Variants in NRG1 observed in about 807,000 individuals in gnomAD.
NRG1 encodes neuregulin 1.
In NRG1, 18 loss-of-function variants were observed where a neutral mutation model predicts 63.8. The observed-to-expected ratio is 0.28, with a 90% CI of 0.19 to 0.42. The LOEUF is 0.42. Ranked by LOEUF, NRG1 falls within the 10% of genes least tolerant of loss-of-function variation. The pLI, the probability that NRG1 is intolerant of heterozygous loss-of-function variation, is 1.00. For synonymous variants in NRG1, 302 were observed against 301.3 expected (o/e 1.00, Z -0.02); for missense variants, 762 against 814.7 (o/e 0.94, Z 0.79).
intron 1 of NRG1, among the ~76,000 whole-genome samples, chr8:32,435,632 C>T (rs1012821258): frequency 1.8e-4 from 28 of 152,112 alleles, no homozygotes; most frequent in South Asian, 4.1e-4. Flanking sequence ...AATCCACAAA[C>T]GTCAGTGTTT....
chr8:32,752,804 C>T lies in NRG1; in HGVS notation c.692-1568C>T, dbSNP rs1481359350. On this transcript the variant is annotated intron_variant, in intron 7 of 11. Transcript: ENST00000356819. ...GTATACTCTATGCAGCATTCTAGTC[C>T]TTTACCCACTGACTTCTCTTTTCCT... 2.6e-5 allele frequency among the ~76,000 whole-genome samples: 4 copies of T among 151,956 alleles called. No homozygotes were observed. In the South Asian group the frequency reaches 6.2e-4, roughly 24 times the overall value.
At chr8:32,115,978 C>T (rs1179963454) in intron 1 of NRG1, among the ~76,000 whole-genome samples, 1 of 152,138 alleles carries the variant, frequency 6.6e-6, no homozygotes, top group African/African-American at 2.4e-5. Flanking sequence ...CTCCTCTTTT[C>T]ATCTGTAATA....
chr8:32,219,197 G>A (rs1442361894), intron 1 of NRG1, among the ~76,000 whole-genome samples: 1 of 152,094 alleles, frequency 6.6e-6, no homozygotes, highest in Non-Finnish European at 1.5e-5. Flanking sequence ...TGCTATAGTT[G>A]GCAACATGAT....
chr8:31,819,101 A>G (rs1044446494), intron 1 of NRG1, among the ~76,000 whole-genome samples: 32 of 152,050 alleles, frequency 2.1e-4, no homozygotes, highest in African/African-American at 7.2e-4. Flanking sequence ...AGCCGGACAC[A>G]GTTGCATAGA....
chr8:31,656,469 A>G (rs915197369), intron 1 of NRG1, among the ~76,000 whole-genome samples: 6 of 152,180 alleles, frequency 3.9e-5, no homozygotes, highest in African/African-American at 1.4e-4. Context: ...CTGAAGTACT[A>G]TTTGCCAACT....
rs117082309 is a variant in NRG1, at chr8:31,738,627, G to A, written c.37+99196G>A. On this transcript the variant is annotated intron_variant, in intron 1 of 10. Coordinates refer to the NRG1 transcript ENST00000519301. ...GTTGGTGCAAAGAAACACAAACTGGGTGGCTTAAAAACAACAGAAACCAAA... is the reference window on the plus strand; with the variant it reads ...GTTGGTGCAAAGAAACACAAACTGGATGGCTTAAAAACAACAGAAACCAAA... Among the ~76,000 whole-genome samples the A allele has an allele frequency of 5.3e-3, 807 of 152,140 alleles. 34 individuals carry two copies. The East Asian group carries it at 0.083, about 16-fold the overall frequency.
intron 1 of NRG1, among the ~76,000 whole-genome samples, chr8:31,669,085 C>T (rs972378590): frequency 4.6e-5 from 7 of 152,188 alleles, no homozygotes; most frequent in East Asian, 3.9e-4. Context: ...GACAAGGTCT[C>T]GCTCTGTCAC....
At chr8:32,442,920 T>A (rs1819733093) in intron 1 of NRG1, among the ~76,000 whole-genome samples, 1 of 150,024 alleles carries the variant, frequency 6.7e-6, no homozygotes, top group Non-Finnish European at 1.5e-5. Context: ...TATGAGTATC[T>A]TAGAAAGTAT....
chr8:31,928,568 C>T (rs1834600205), intron 1 of NRG1, among the ~76,000 whole-genome samples: 1 of 151,672 alleles, frequency 6.6e-6, no homozygotes, highest in Non-Finnish European at 1.5e-5. Context: ...ATCCTAAGTG[C>T]CCATCTACTG....
chr8:32,095,743 A>G (rs1214971365), intron 1 of NRG1, among the ~76,000 whole-genome samples: 1 of 152,228 alleles, frequency 6.6e-6, no homozygotes, highest in Non-Finnish European at 1.5e-5. Flanking sequence ...TAGTAATATC[A>G]ACATTTATAC....
At chr8:32,286,198 T>A (rs1853500774) in intron 1 of NRG1, among the ~76,000 whole-genome samples, 1 of 152,216 alleles carries the variant, frequency 6.6e-6, no homozygotes, top group Admixed American at 6.5e-5. Flanking sequence ...GATATTGCTA[T>A]AAAACACATC....
intron 1 of NRG1, among the ~76,000 whole-genome samples, chr8:32,437,222 C>G (rs1406516092): frequency 2.6e-5 from 4 of 152,104 alleles, no homozygotes; most frequent in African/African-American, 9.7e-5. Flanking sequence ...CCTAGGTAGT[C>G]TTGAAAAACC....
At chr8:32,387,748 G>A (rs1587288333) in intron 1 of NRG1, among the ~76,000 whole-genome samples, 1 of 151,920 alleles carries the variant, frequency 6.6e-6, no homozygotes, top group African/African-American at 2.4e-5. Flanking sequence ...AGATGCAATG[G>A]CTGACTTTTG....
chr8:32,358,552 A>G (rs536627059), intron 1 of NRG1, among the ~76,000 whole-genome samples: 1 of 152,276 alleles, frequency 6.6e-6, no homozygotes, highest in African/African-American at 2.4e-5. Context: ...GAAGCTATCT[A>G]CAAGATACTA....
At chr8:32,180,756 G>A (rs1841347187) in intron 1 of NRG1, among the ~76,000 whole-genome samples, 1 of 152,000 alleles carries the variant, frequency 6.6e-6, no homozygotes, top group South Asian at 2.1e-4. Flanking sequence ...ATTTTTTGTG[G>A]TGAGACTGCT....
At chr8:32,404,085 T>C (rs907207603) in intron 1 of NRG1, among the ~76,000 whole-genome samples, 3 of 152,192 alleles carry the variant, frequency 2.0e-5, no homozygotes, top group African/African-American at 7.2e-5. Flanking sequence ...GCAGTGGGGA[T>C]AAAGAAGGTC....
At chr8:32,373,033 C>T (rs1383108444) in intron 1 of NRG1, among the ~76,000 whole-genome samples, 5 of 152,066 alleles carry the variant, frequency 3.3e-5, no homozygotes, top group South Asian at 2.1e-4. Flanking sequence ...AATTAATCTC[C>T]GTGAGTAGGT....
At chr8:32,162,012 T>C (rs1419216428) in intron 1 of NRG1, among the ~76,000 whole-genome samples, 1 of 152,208 alleles carries the variant, frequency 6.6e-6, no homozygotes. Flanking sequence ...CTAGGCAATG[T>C]CTGTGATGAG....
intron 1 of NRG1, among the ~76,000 whole-genome samples, chr8:32,138,319 C>A (rs1835810119): frequency 6.6e-6 from 1 of 152,044 alleles, no homozygotes; most frequent in Admixed American, 6.6e-5. Context: ...TTAAGCCCAA[C>A]ACCCAAGGAA....
Sources: gnomAD v4.1 joint callset for allele counts (sites outside exome capture counted in the v4.1 genomes callset) on GRCh38, gnomAD v4.1.1 for gene constraint, MANE v1.5 for transcripts, NCBI Gene and HGNC (gene_info 2026-07-23, HGNC 2026-07-21) for gene names.